Variants in LRTM1 observed in about 807,000 individuals in gnomAD.
LRTM1 encodes leucine-rich repeat and transmembrane domain-containing protein 1.
Under a neutral mutation model 32.4 loss-of-function variants are expected in LRTM1, and 38 were observed. That is an observed-to-expected ratio of 1.17 (90% CI 0.91 to 1.54). The LOEUF (loss-of-function observed/expected upper bound fraction) is 1.54, where lower values mean the gene tolerates loss of function less well. LRTM1 is among the 40% of genes most tolerant of loss of function. The pLI is 0.00. For synonymous variants in LRTM1, 186 were observed against 169.9 expected (o/e 1.09, Z -0.74); for missense variants, 466 against 415.4 (o/e 1.12, Z -1.06).
rs1559628771 is a variant in LRTM1 at position 54,918,673 on chromosome 3, G to T, written c.824C>A (p.Pro275His). 2 of 1,614,130 alleles carry T rather than the reference G, an allele frequency of 1.2e-6. No individual in the cohort carries two copies. Among genetic ancestry groups the T allele is most frequent in the Non-Finnish European group, 8.5e-7 (1 of 1,180,026 alleles). ...ACGCAGGTTGGCCGGCCTTGGCTTG[G>T]GTTTGAGCTCGCACTCCAAGAGTTC... Reference protein sequence around the residue: ...ERELLECELKPKPRPANLRHA... With the variant: ...ERELLECELKHKPRPANLRHA... The change falls in exon 3 of 3, where the codon CCC becomes CAC. Residue 275 changes from proline (P) to histidine (H), a missense_variant. Physicochemically the swap from Pro to His is moderately conservative, Grantham distance 77. Coordinates refer to ENST00000273286, the MANE Select transcript of LRTM1 (RefSeq NM_020678.4).
At chr3:54,946,390 C>G (rs1004736977) in intron 1 of LRTM1, among the ~76,000 whole-genome samples, 1 of 152,172 alleles carries the variant, frequency 6.6e-6, no homozygotes, top group African/African-American at 2.4e-5. Flanking sequence ...CAGGGAACAC[C>G]TGAGCTGTCA....
chr3:54,942,458 G>A (rs1701496805), intron 1 of LRTM1, among the ~76,000 whole-genome samples: 2 of 152,206 alleles, frequency 1.3e-5, no homozygotes, highest in African/African-American at 4.8e-5. Flanking sequence ...CCTGAATCTT[G>A]AGGCTGGGAC....
chr3:54,926,499 G>T (rs1397954374), intron 1 of LRTM1, among the ~76,000 whole-genome samples: 1 of 116,160 alleles, frequency 8.6e-6, no homozygotes, highest in Non-Finnish European at 1.8e-5. Context: ...TCCACTGCCT[G>T]TCAAATACAC....
At chr3:54,921,078 C>A (rs1700834975) in intron 2 of LRTM1, among the ~76,000 whole-genome samples, 2 of 152,344 alleles carry the variant, frequency 1.3e-5, no homozygotes, top group African/African-American at 4.8e-5. Flanking sequence ...GTCAAATCTG[C>A]TGATTACAGC....
chr3:54,959,875 G>T (rs950994016), intron 1 of LRTM1, among the ~76,000 whole-genome samples: 6 of 152,100 alleles, frequency 3.9e-5, no homozygotes, highest in Non-Finnish European at 2.9e-5. Flanking sequence ...AGGGAATATA[G>T]GTTTCTTCAG....
In LRTM1 at chr3:54,924,875, T is replaced by C. The variant is rs758470803; in HGVS notation, c.348A>G (p.Arg116=). The change falls in exon 2 of 3, where the codon AGA becomes AGG. Residue 116 remains arginine (R), a synonymous_variant. Transcript: ENST00000273286. The part of the protein sequence containing the change: ...TQNSLLSLES[R]LFHSLPQLRE... Reference sequence around the variant, plus strand: ...TCAGCTGAGGGAGGGAATGGAAAAGTCTGCTTTCCAGGGAAAGGAGTGAAT... The same window carrying C: ...TCAGCTGAGGGAGGGAATGGAAAAGCCTGCTTTCCAGGGAAAGGAGTGAAT... 2.9e-5 allele frequency: 47 copies of C among 1,613,680 alleles called. No individual in the cohort carries two copies. The highest frequency in any genetic ancestry group is 9.3e-5 in the African/African-American group (7 of 74,876).
chr3:54,931,257 A>G (rs1280837172), upstream of LRTM1, among the ~76,000 whole-genome samples: 2 of 152,118 alleles, frequency 1.3e-5, no homozygotes, highest in Admixed American at 6.5e-5. Context: ...CTTACTGCCC[A>G]AGGGGTTTTT....
intron 1 of LRTM1, among the ~76,000 whole-genome samples, chr3:54,937,233 A>G (rs1328789679): frequency 1.3e-5 from 2 of 152,230 alleles, no homozygotes; most frequent in African/African-American, 4.8e-5. Flanking sequence ...CCTACCTGCA[A>G]AGCTCTGTGT....
chr3:54,930,118 C>T (rs1352048787), upstream of LRTM1, among the ~76,000 whole-genome samples: 1 of 152,188 alleles, frequency 6.6e-6, no homozygotes, highest in Non-Finnish European at 1.5e-5. Context: ...TGCCTGCATT[C>T]CAATAAAACT....
intron 1 of LRTM1, among the ~76,000 whole-genome samples, chr3:54,939,047 G>A (rs1478297097): frequency 6.6e-6 from 1 of 152,146 alleles, no homozygotes; most frequent in Non-Finnish European, 1.5e-5. Context: ...TCTCCATTTG[G>A]GATAATGAGG....
chr3:54,942,749 G>T (rs1440628721), intron 1 of LRTM1, among the ~76,000 whole-genome samples: 1 of 151,972 alleles, frequency 6.6e-6, no homozygotes, highest in Non-Finnish European at 1.5e-5. Context: ...ATTAGGCCAG[G>T]CACAGTGGCT....
chr3:54,934,790 G>C (rs1701288159), intron 1 of LRTM1, among the ~76,000 whole-genome samples: 1 of 152,152 alleles, frequency 6.6e-6, no homozygotes. Context: ...GGAGTGCAGT[G>C]GCGCTATCGT....
chr3:54,960,036 A>C (rs1019402650), intron 1 of LRTM1, among the ~76,000 whole-genome samples: 2 of 151,534 alleles, frequency 1.3e-5, no homozygotes, highest in Non-Finnish European at 1.5e-5. Context: ...CATTTACTCT[A>C]CTTTACCAAA....
chr3:54,950,060 G>A (rs561226834), intron 1 of LRTM1, among the ~76,000 whole-genome samples: 3 of 152,288 alleles, frequency 2.0e-5, no homozygotes, highest in East Asian at 3.9e-4. Flanking sequence ...GCATTTCAGG[G>A]CCATGCTAAG....
At chr3:54,942,791 G>A (rs1386105873) in intron 1 of LRTM1, among the ~76,000 whole-genome samples, 6 of 152,092 alleles carry the variant, frequency 3.9e-5, no homozygotes, top group Admixed American at 3.3e-4. Flanking sequence ...TTGGGAGGCC[G>A]AGGCGGGTGG....
Position 54,918,554 on chromosome 3 carries a change from C to T in LRTM1, c.943G>A (p.Ala315Thr). 6.2e-7 allele frequency: 1 copy of T among 1,614,062 alleles called. No homozygotes were observed. Among genetic ancestry groups the T allele is most frequent in the Non-Finnish European group, 8.5e-7 (1 of 1,179,996 alleles). ...CCCCCATGGTACTGGGCTGTGATTG[C>T]CGCATAGGTGCAGCCATAGATGGCA... ...AAAIYGCTYA[A>T]ITAQYHGGPL... Residue 315 changes from alanine (A) to threonine (T), a missense_variant, in exon 3 of 3, where the codon GCA becomes ACA. By Grantham distance (58) the Ala-to-Thr change is moderately conservative. Coordinates refer to ENST00000273286, the MANE Select transcript of LRTM1 (RefSeq NM_020678.4).
At chr3:54,966,611 G>A (rs1205133387) in intron 1 of LRTM1, among the ~76,000 whole-genome samples, 1 of 152,150 alleles carries the variant, frequency 6.6e-6, no homozygotes, top group East Asian at 1.9e-4. Context: ...TTGAGCCCAC[G>A]AGTTAGAGAT....
At chr3:54,965,087 C>G (rs1002033586) in intron 1 of LRTM1, among the ~76,000 whole-genome samples, 1 of 152,188 alleles carries the variant, frequency 6.6e-6, no homozygotes, top group Non-Finnish European at 1.5e-5. Context: ...TAGTAAATAA[C>G]TGAGGTTTTG....
chr3:54,930,639 A>T (rs1487373436), upstream of LRTM1, among the ~76,000 whole-genome samples: 1 of 152,246 alleles, frequency 6.6e-6, no homozygotes, highest in African/African-American at 2.4e-5. Context: ...GCACACTTTC[A>T]TGCTGCTTAT....
Sources: allele counts gnomAD v4.1 joint callset (sites outside exome capture counted in the v4.1 genomes callset), GRCh38; gene constraint gnomAD v4.1.1; transcripts MANE v1.5; gene names NCBI Gene and HGNC (gene_info 2026-07-23, HGNC 2026-07-21).